The following GLIS3 variants were observed in gnomAD, a reference collection of about 807,000 sequenced individuals.
GLIS3 encodes zinc finger protein GLIS3.
In GLIS3, 53 loss-of-function variants were observed where a neutral mutation model predicts 78.6. That is an observed-to-expected ratio of 0.67 (90% CI 0.54 to 0.85). The LOEUF (loss-of-function observed/expected upper bound fraction) is 0.85. Among genes scored for constraint, GLIS3 ranks in the 40% least tolerant of loss-of-function variants. The pLI is 0.00. For missense variants in GLIS3, 1,703 were observed against 1,231.1 expected, an observed-to-expected ratio of 1.38 and a Z score of -5.74; for synonymous variants, 684 against 509.9, an observed-to-expected ratio of 1.34 and a Z score of -4.60.
chr9:4,271,229 GCTTA>G (rs1826479733), intron 2 of GLIS3, among the ~76,000 whole-genome samples: 1 of 151,970 alleles, frequency 6.6e-6, no homozygotes, highest in Admixed American at 6.6e-5. Context: ...CTTTTCTCTG[GCTTA>G]CTTTATTGTC....
chr9:4,370,934 A>C, the GLIS3 span, among the ~76,000 whole-genome samples: 6 of 152,140 alleles, frequency 3.9e-5, no homozygotes, highest in Admixed American at 3.9e-4. Flanking sequence ...AAATAGCATA[A>C]AAGACTCCTA....
At chr9:3,852,701 G>A (rs1185622385) in intron 9 of GLIS3, among the ~76,000 whole-genome samples, 1 of 152,172 alleles carries the variant, frequency 6.6e-6, no homozygotes, top group African/African-American at 2.4e-5. Flanking sequence ...AAGGAAGTAA[G>A]GCTACATCTG....
At chr9:3,948,590 C>T (rs1816455961) in intron 4 of GLIS3, among the ~76,000 whole-genome samples, 1 of 152,128 alleles carries the variant, frequency 6.6e-6, no homozygotes, top group Non-Finnish European at 1.5e-5. Context: ...GAACCTGACT[C>T]AAGTGATCCC....
At chr9:3,964,405 G>C (rs976282538) in intron 4 of GLIS3, among the ~76,000 whole-genome samples, 3 of 151,978 alleles carry the variant, frequency 2.0e-5, no homozygotes, top group African/African-American at 7.3e-5. Flanking sequence ...TTTAACAAAA[G>C]GTCAAGACGT....
At chr9:3,985,522 T>A (rs139957355) in intron 4 of GLIS3, among the ~76,000 whole-genome samples, 1 of 152,212 alleles carries the variant, frequency 6.6e-6, no homozygotes, top group Non-Finnish European at 1.5e-5. Context: ...TTACAAAGCA[T>A]TGCTTCTTGG....
At chr9:4,256,633 G>A (rs896013245) in intron 2 of GLIS3, among the ~76,000 whole-genome samples, 11 of 152,104 alleles carry the variant, frequency 7.2e-5, no homozygotes, top group African/African-American at 2.4e-4. Flanking sequence ...TCATCAGAGA[G>A]GTAGTAAAAG....
At chr9:4,406,265 G>A in the GLIS3 span, among the ~76,000 whole-genome samples, 1 of 152,212 alleles carries the variant, frequency 6.6e-6, no homozygotes, top group Non-Finnish European at 1.5e-5. Context: ...CATCCCAACT[G>A]GAAAGGAAGA....
Position 4,135,173 on chromosome 9 carries a change from T to C in GLIS3, c.389-9232A>G, listed in dbSNP as rs1034016215. On this transcript the variant is annotated intron_variant, in intron 2 of 10. Coordinates refer to ENST00000381971, the MANE Select transcript of GLIS3 (RefSeq NM_001042413.2). The stretch of plus-strand genomic sequence containing the variant: ...TGTCAAAGCGTTGTCTAGAATTGTC[T>C]ACTTAGATAGCATTATCTCTCTTTT... 3.9e-5 allele frequency among the ~76,000 whole-genome samples: 6 copies of C among 152,366 alleles called. No individual in the cohort carries two copies. In the South Asian group the frequency reaches 1.0e-3, roughly 26 times the overall value.
chr9:4,457,503 G>A, the GLIS3 span, among the ~76,000 whole-genome samples: 1 of 152,026 alleles, frequency 6.6e-6, no homozygotes, highest in South Asian at 2.1e-4. Context: ...CTTGTTTTGG[G>A]TGGGTTTGGA....
chr9:4,069,127 C>T (rs1403690543), intron 4 of GLIS3, among the ~76,000 whole-genome samples: 1 of 152,026 alleles, frequency 6.6e-6, no homozygotes, highest in African/African-American at 2.4e-5. Context: ...GGATAAGGCT[C>T]AATAAAAATG....
chr9:4,210,338 C>T (rs1161910532), intron 2 of GLIS3, among the ~76,000 whole-genome samples: 4 of 152,286 alleles, frequency 2.6e-5, no homozygotes, highest in African/African-American at 4.8e-5. Context: ...TTGTTATCAG[C>T]GAAGTTCAGC....
rs188682703 is a variant in GLIS3, at chr9:4,251,331, T to C, written c.388+34707A>G. 2.8e-3 allele frequency among the ~76,000 whole-genome samples: 422 copies of C among 152,336 alleles called. 1 individual carries two copies. The highest frequency in any genetic ancestry group is 9.7e-3 in the African/African-American group (405 of 41,572). ...TATATTTAGGATAGTTTACTCTACT[T>C]GTTGTGTTAATCGCTTTACCATTAT... On this transcript the variant is annotated intron_variant, in intron 2 of 10. Transcript: ENST00000381971.
chr9:4,202,152 C>CTTTTTTTT (rs71324286), intron 2 of GLIS3, among the ~76,000 whole-genome samples: 1 of 125,440 alleles, frequency 8.0e-6, no homozygotes, highest in Non-Finnish European at 1.6e-5. Context: ...CCCCCTTTTT[C>CTTTTTTTT]TTTTTTTTTT....
intron 2 of GLIS3, among the ~76,000 whole-genome samples, chr9:4,225,808 G>C (rs1821721447): frequency 1.3e-5 from 2 of 152,148 alleles, no homozygotes; most frequent in Non-Finnish European, 2.9e-5. Context: ...CATCCTACGA[G>C]TCATGAATTT....
At chr9:4,489,449 G>A in the GLIS3 span, among the ~76,000 whole-genome samples, 3 of 152,154 alleles carry the variant, frequency 2.0e-5, no homozygotes, top group Non-Finnish European at 2.9e-5. Flanking sequence ...AGCAAAAAGG[G>A]TTCCAGGCTC....
At chr9:3,991,684 T>TGA in intron 4 of GLIS3, among the ~76,000 whole-genome samples, 1 of 8,862 alleles carries the variant, frequency 1.1e-4, no homozygotes, top group Non-Finnish European at 2.3e-4. Context: ...AGTAGGCTGA[T>TGA]TTTTTTTTTT....
At chr9:4,040,959 G>C (rs914886044) in intron 4 of GLIS3, among the ~76,000 whole-genome samples, 1 of 152,138 alleles carries the variant, frequency 6.6e-6, no homozygotes, top group East Asian at 1.9e-4. Flanking sequence ...CCCAGGGAAG[G>C]AGAAAGATTT....
At chr9:4,055,526 T>C (rs949893819) in intron 4 of GLIS3, among the ~76,000 whole-genome samples, 1 of 152,162 alleles carries the variant, frequency 6.6e-6, no homozygotes, top group African/African-American at 2.4e-5. Flanking sequence ...AATATGTCAT[T>C]ACACTGTAGA....
intron 9 of GLIS3, among the ~76,000 whole-genome samples, chr9:3,842,995 G>A (rs2130092852): frequency 6.6e-6 from 1 of 152,282 alleles, no homozygotes; most frequent in Non-Finnish European, 1.5e-5. Flanking sequence ...TACACTCTCA[G>A]TAGATATGGA....
Sources: gnomAD v4.1 joint callset for allele counts (sites outside exome capture counted in the v4.1 genomes callset) on GRCh38, gnomAD v4.1.1 for gene constraint, MANE v1.5 for transcripts, NCBI Gene and HGNC (gene_info 2026-07-23, HGNC 2026-07-21) for gene names.